Variants in CHN2 observed in about 807,000 individuals in gnomAD.
CHN2 encodes the protein chimerin 2, also known as beta-chimaerin.
In CHN2, 35 loss-of-function variants were observed where a neutral mutation model predicts 56.3. The observed-to-expected ratio is 0.62, with a 90% CI of 0.47 to 0.82. The LOEUF (loss-of-function observed/expected upper bound fraction) is 0.82, where lower values mean the gene tolerates loss of function less well. CHN2 is among the 40% of genes least tolerant of loss of function. The pLI is 0.00. For synonymous variants in CHN2, 210 were observed against 212.8 expected (o/e 0.99, Z 0.12); for missense variants, 491 against 580.5 (o/e 0.85, Z 1.58).
intron 1 of CHN2, among the ~76,000 whole-genome samples, chr7:29,263,379 A>C (rs1789741194): frequency 6.6e-6 from 1 of 152,018 alleles, no homozygotes; most frequent in South Asian, 2.1e-4. Context: ...GGATCGCTAC[A>C]ACCTCCACCT....
At chr7:29,324,589 C>G (rs1202098895) in intron 1 of CHN2, among the ~76,000 whole-genome samples, 1 of 149,656 alleles carries the variant, frequency 6.7e-6, no homozygotes. Context: ...ATCGTGTCTT[C>G]TAACATCAGC....
chr7:29,439,194 A>AT (rs1783451105), intron 6 of CHN2, among the ~76,000 whole-genome samples: 1 of 152,218 alleles, frequency 6.6e-6, no homozygotes, highest in African/African-American at 2.4e-5. Flanking sequence ...GTGTCATGAT[A>AT]TTGTCATCAT....
At chr7:29,283,418 C>T (rs1791887062) in intron 1 of CHN2, among the ~76,000 whole-genome samples, 1 of 152,142 alleles carries the variant, frequency 6.6e-6, no homozygotes, top group South Asian at 2.1e-4. Flanking sequence ...GTAGAATCCT[C>T]TCCCCTTCCA....
rs74651124 is a variant in CHN2, at chr7:29,507,508, G to A, written c.1129+143G>A. ...AGTGAGGGCACAACAATAAATAGCT[G>A]ACCAGGCATAGTTCAACAGCTGAGC... On this transcript the variant is annotated intron_variant, in intron 11 of 12. Coordinates refer to ENST00000222792, the MANE Select transcript of CHN2 (RefSeq NM_004067.4). The A allele has an allele frequency of 6.3e-3, 4,166 of 660,722 alleles. 129 individuals are homozygous for A. The African/African-American group carries it at 0.068, about 11-fold the overall frequency. 40.9% of individuals were successfully genotyped at this position (660,722 alleles called of 1,614,324 possible). A position where few individuals can be genotyped will look rare whatever the true frequency, so the allele number is the denominator to read the frequency against.
intron 1 of CHN2, among the ~76,000 whole-genome samples, chr7:29,321,138 A>C (rs1002175741): frequency 6.6e-6 from 1 of 152,072 alleles, no homozygotes; most frequent in Non-Finnish European, 1.5e-5. Context: ...ATAGTTGAAA[A>C]TTTTTTCAGA....
At chr7:29,434,033 T>TCC (rs1783046840) in intron 6 of CHN2, among the ~76,000 whole-genome samples, 1 of 152,172 alleles carries the variant, frequency 6.6e-6, no homozygotes, top group Non-Finnish European at 1.5e-5. Context: ...CTGAGGATCT[T>TCC]CCCTCTTGGC....
At chr7:29,219,125 A>T (rs1296749537) in intron 1 of CHN2, among the ~76,000 whole-genome samples, 1 of 152,226 alleles carries the variant, frequency 6.6e-6, no homozygotes, top group Non-Finnish European at 1.5e-5. Flanking sequence ...CCCAGGCCAC[A>T]TTCAGACCTG....
At chr7:29,355,253 G>A (rs1421728002) in intron 2 of CHN2, among the ~76,000 whole-genome samples, 6 of 152,156 alleles carry the variant, frequency 3.9e-5, no homozygotes, top group Non-Finnish European at 8.8e-5. Context: ...TTACAGGCAT[G>A]AGCCACCGCG....
chr7:29,373,436 A>G (rs779850990), intron 3 of CHN2, among the ~76,000 whole-genome samples: 3 of 151,446 alleles, frequency 2.0e-5, no homozygotes, highest in Non-Finnish European at 4.4e-5. Context: ...CAGCCTTCCA[A>G]AGTGCTGGGA....
chr7:29,377,850 C>G (rs1054163472), intron 3 of CHN2, among the ~76,000 whole-genome samples: 1 of 152,210 alleles, frequency 6.6e-6, no homozygotes, highest in South Asian at 2.1e-4. Flanking sequence ...GTATCTTTTT[C>G]TTTCTCCTTA....
intron 6 of CHN2, among the ~76,000 whole-genome samples, chr7:29,467,770 C>T (rs1344306764): frequency 6.6e-6 from 1 of 152,200 alleles, no homozygotes; most frequent in Non-Finnish European, 1.5e-5. Context: ...TTAAGCTCAG[C>T]TTCCTCATAT....
chr7:29,386,335 C>A (rs1469499464), intron 3 of CHN2, among the ~76,000 whole-genome samples: 1 of 152,186 alleles, frequency 6.6e-6, no homozygotes, highest in Non-Finnish European at 1.5e-5. Flanking sequence ...CAAATCCCCC[C>A]ATCAAAAGCC....
intron 6 of CHN2, among the ~76,000 whole-genome samples, chr7:29,475,359 AT>A (rs1335756278): frequency 6.6e-6 from 1 of 152,218 alleles, no homozygotes; most frequent in Non-Finnish European, 1.5e-5. Flanking sequence ...AAAGTCTCCT[AT>A]TTAAAAACCA....
At chr7:29,506,031 G>T (rs906806523) in intron 10 of CHN2, among the ~76,000 whole-genome samples, 1 of 152,094 alleles carries the variant, frequency 6.6e-6, no homozygotes, top group South Asian at 2.1e-4. Flanking sequence ...TTATGCAAAA[G>T]ATATTAAGAA....
chr7:29,167,038 TAAC>T lies in CHN2; in HGVS notation c.274+20081_274+20083del, dbSNP rs1475411313. Among the ~76,000 whole-genome samples the T allele has an allele frequency of 1.2e-4, 19 of 152,220 alleles. No individual in the cohort carries two copies. The South Asian group carries it at 2.5e-3, about 20-fold the overall frequency. ...TGTATATGTACAAGTTAAAGAATAA[TAAC>T]AAAGTGAACAATGTTTACAACTCCA... is the stretch of plus-strand genomic sequence containing the variant. On this transcript the variant is annotated intron_variant, in intron 2 of 6. Transcript: ENST00000439384.
chr7:29,251,364 G>A (rs1788505274), intron 1 of CHN2, among the ~76,000 whole-genome samples: 1 of 152,038 alleles, frequency 6.6e-6, no homozygotes, highest in South Asian at 2.1e-4. Flanking sequence ...TGAGGTGGGA[G>A]GATCTCTTGA....
intron 6 of CHN2, among the ~76,000 whole-genome samples, chr7:29,444,062 T>C (rs577118563): frequency 4.2e-4 from 64 of 152,340 alleles, no homozygotes; most frequent in Non-Finnish European, 8.2e-4. Context: ...TAGTTTAGAA[T>C]TGTGAAAGAA....
intron 6 of CHN2, among the ~76,000 whole-genome samples, chr7:29,460,029 T>C (rs188100730): frequency 1.2e-4 from 19 of 152,006 alleles, no homozygotes; most frequent in Non-Finnish European, 2.6e-4. Flanking sequence ...TTCTGATCCT[T>C]ATGTTCTTCT....
At chr7:29,341,320 G>A (rs966625389) in intron 1 of CHN2, among the ~76,000 whole-genome samples, 4 of 152,170 alleles carry the variant, frequency 2.6e-5, no homozygotes, top group African/African-American at 9.6e-5. Flanking sequence ...GCAAGCATGG[G>A]CCAGAGTGAC....
Sources: gnomAD v4.1 joint callset for allele counts (sites outside exome capture counted in the v4.1 genomes callset) on GRCh38, gnomAD v4.1.1 for gene constraint, MANE v1.5 for transcripts, NCBI Gene and HGNC (gene_info 2026-07-23, HGNC 2026-07-21) for gene names.